LLGL1: variants seen among roughly 807,000 people sequenced by gnomAD.
The protein encoded by LLGL1 is lethal(2) giant larvae protein homolog 1.
LLGL1 carries 58 observed loss-of-function variants against 110.6 expected under a neutral mutation model. The observed-to-expected ratio is 0.52, with a 90% CI of 0.42 to 0.65. The LOEUF (loss-of-function observed/expected upper bound fraction) is 0.65, where lower values mean the gene tolerates loss of function less well. LLGL1 is among the 30% of genes least tolerant of loss of function. The probability of loss-of-function intolerance (pLI) is 0.00; values close to 1 mark genes in which losing one functional copy is unlikely to be tolerated. For missense variants in LLGL1, 1,229 were observed against 1,462.1 expected (o/e 0.84, Z 2.60); for synonymous variants, 674 against 607.2 (o/e 1.11, Z -1.62).
intron 1 of LLGL1, among the ~76,000 whole-genome samples, 158 bp downstream of exon 1, chr17:18,225,921 G>T (rs1330547064): frequency 6.7e-6 from 1 of 150,338 alleles, no homozygotes; most frequent in Non-Finnish European, 1.5e-5. Context: ...CCCCCTCGGC[G>T]GGCCCCGCTC....
intron 2 of LLGL1, among the ~76,000 whole-genome samples, chr17:18,230,447 CAT>C (rs1307933901): frequency 6.6e-5 from 10 of 152,176 alleles, no homozygotes; most frequent in Admixed American, 1.3e-4. Flanking sequence ...TGTGAAGACA[CAT>C]GTGTTCAGCA....
Position 18,237,556 on chromosome 17 carries a change from C to A in LLGL1, c.1687C>A (p.Arg563Ser). Reference sequence around the variant, plus strand: ...GGCCATCATAGACCTCCTCCAGGACCGCGAGGGCTTCACATGGAAGGGCCA... The same window carrying A: ...GGCCATCATAGACCTCCTCCAGGACAGCGAGGGCTTCACATGGAAGGGCCA... ...SVAIIDLLQD[R>S]EGFTWKGHER... is the part of the protein sequence containing the mutation. The change falls in exon 14 of 23, where the codon CGC (arginine) becomes AGC (serine). Residue 563 changes from arginine (R) to serine (S), a missense_variant. Transcript: ENST00000316843. 6.2e-7 allele frequency: 1 copy of A among 1,609,582 alleles called. No individual in the cohort carries two copies. Among genetic ancestry groups the A allele is most frequent in the Non-Finnish European group, 8.5e-7 (1 of 1,178,800 alleles).
rs2047834593 is a variant in LLGL1 at position 18,241,659 on chromosome 17, T to C, written c.2711T>C (p.Ile904Thr). The change falls in exon 18 of 23, where the codon ATC becomes ACC. Residue 904 changes from isoleucine to threonine, a missense_variant. Ile to Thr is a moderately conservative substitution (Grantham distance 89). Transcript: ENST00000316843. ...CGGCCCCAGGTGCACTATTCCTGCA[T>C]CCGGAAGGAGGACATCAGCGGCATC... ...GLRPQVHYSCIRKEDISGIAS... is the reference protein window; with the variant it reads ...GLRPQVHYSCTRKEDISGIAS... The C allele has an allele frequency of 1.2e-6, 2 of 1,613,720 alleles. No homozygotes were observed. Among genetic ancestry groups the C allele is most frequent in the Non-Finnish European group, 1.7e-6 (2 of 1,180,012 alleles).
chr17:18,239,762 T>A (rs1002924035), intron 16 of LLGL1, among the ~76,000 whole-genome samples: 1 of 151,420 alleles, frequency 6.6e-6, no homozygotes, highest in Non-Finnish European at 1.5e-5. Flanking sequence ...TGACTTTTTG[T>A]TTTTTTTGAC....
At position 18,232,809 on chromosome 17, in the gene LLGL1, G is replaced by C. The variant is rs761499292; in HGVS notation, c.392+7G>C. 8 of 1,613,630 alleles carry C rather than the reference G, an allele frequency of 5.0e-6. No homozygotes were observed. The Admixed American group carries it at 1.3e-4, about 27-fold the overall frequency. On this transcript the variant is annotated splice_region_variant and intron_variant, in intron 4 of 22. Transcript: ENST00000316843. Reference sequence around the variant, plus strand: ...CCGGCTTTGATGGTGCCAGGTACTGGAGAACTTGGCTGGGGCCAGCCACCG... The same window carrying C: ...CCGGCTTTGATGGTGCCAGGTACTGCAGAACTTGGCTGGGGCCAGCCACCG...
At chr17:18,241,288 A>G in intron 17 of LLGL1, 163 bp from the exon 18 acceptor site, 1 of 796,106 alleles carries the variant, frequency 1.3e-6, no homozygotes, top group South Asian at 1.8e-5. Flanking sequence ...TACAGTGTGA[A>G]GTCTGGAGTT....
rs752814889 is a variant in LLGL1, at chr17:18,238,119, G to C, written c.1957G>C (p.Val653Leu). The C allele has an allele frequency of 1.2e-6, 2 of 1,613,838 alleles. No individual in the cohort carries two copies. Among genetic ancestry groups the C allele is most frequent in the Admixed American group, 3.3e-5 (2 of 60,024 alleles). ...GGCCATGGAGGGTCCGCTCTCCCGGGTGAAGTCTCTCAAGAAGTCACTGCG... is the reference window on the plus strand; with the variant it reads ...GGCCATGGAGGGTCCGCTCTCCCGGCTGAAGTCTCTCAAGAAGTCACTGCG... ...SLAMEGPLSR[V>L]KSLKKSLRQS... Residue 653 changes from valine (V) to leucine (L), a missense_variant, in exon 15 of 23, where the codon GTG becomes CTG. Transcript: ENST00000316843.
intron 2 of LLGL1, among the ~76,000 whole-genome samples, chr17:18,230,560 C>T (rs551013644): frequency 4.2e-5 from 5 of 119,548 alleles, no homozygotes; most frequent in African/African-American, 1.3e-4. Context: ...CCACACAAAG[C>T]GGGCATTTTC....
Position 18,235,109 on chromosome 17 carries a change from C to G in LLGL1, c.1081C>G (p.Leu361Val). The change falls in exon 10 of 23, where the codon CTG becomes GTG. Residue 361 changes from leucine (L) to valine (V), a missense_variant. Coordinates refer to ENST00000316843, the MANE Select transcript of LLGL1 (RefSeq NM_004140.4). ...CACAGAATTTGATGACCCCCAGGCC[C>G]TGGCTGTGCTGCTGGAAGAGGAGCT... is the stretch of plus-strand genomic sequence containing the variant. ...PEDEFDDPQALAVLLEEELVV... is the reference protein window; with the variant it reads ...PEDEFDDPQAVAVLLEEELVV... 1.9e-6 allele frequency: 3 copies of G among 1,613,950 alleles called. No homozygotes were observed. The highest frequency in any genetic ancestry group is 2.5e-6 in the Non-Finnish European group (3 of 1,180,036).
chr17:18,234,144 A>G lies in LLGL1; in HGVS notation c.683A>G (p.Gln228Arg), dbSNP rs145917490. ...GLLVIWNQAS[Q>R]CVDHIFLGNQ... is the part of the protein sequence containing the mutation. ...CTGGTCATCTGGAACCAGGCCTCGC[A>G]GTGTGTGGACCACATCTTCCTGGGG... The change falls in exon 6 of 23, where the codon CAG (glutamine) becomes CGG (arginine). Residue 228 changes from glutamine to arginine, a missense_variant. Gln to Arg is a conservative substitution (Grantham distance 43, BLOSUM62 1). Coordinates refer to ENST00000316843, the MANE Select transcript of LLGL1 (RefSeq NM_004140.4). 6.2e-6 allele frequency: 10 copies of G among 1,610,044 alleles called. No individual in the cohort carries two copies. In the African/African-American group the frequency reaches 1.3e-4, roughly 21 times the overall value.
chr17:18,243,036 C>T lies in LLGL1; in HGVS notation c.*1+214C>T, dbSNP rs781001578. The stretch of plus-strand genomic sequence containing the variant: ...GTGTCATGGTTGGGTATTAGAAAAG[C>T]AGGGCCAGCCCCTCAGCCCTTGCAT... On this transcript the variant is annotated intron_variant, in intron 22 of 22. Transcript: ENST00000316843. 8.7e-4 allele frequency among the ~76,000 whole-genome samples: 133 copies of T among 152,360 alleles called. 1 individual carries two copies. The highest frequency in any genetic ancestry group is 1.5e-3 in the Non-Finnish European group (100 of 68,030).
intron 15 of LLGL1, 72 bp from the exon 16 acceptor site, chr17:18,238,384 C>T (rs541219985): frequency 1.1e-5 from 17 of 1,569,640 alleles, no homozygotes; most frequent in Admixed American, 1.7e-5. Flanking sequence ...GGTAACAGAA[C>T]GTAGGGCGCA....
intron 11 of LLGL1, chr17:18,236,119 G>C: frequency 5.5e-6 from 1 of 181,224 alleles, no homozygotes; most frequent in Non-Finnish European, 1.2e-5. Context: ...CTGCGCCCTA[G>C]ATTTGTCTAC....
At chr17:18,227,736 C>A (rs932332234) in intron 1 of LLGL1, among the ~76,000 whole-genome samples, 1 of 152,166 alleles carries the variant, frequency 6.6e-6, no homozygotes. Flanking sequence ...GCAGTGGGGG[C>A]TGGAGACAGA....
rs1325298231 is a variant in LLGL1 at position 18,232,557 on chromosome 17, T to C, written c.242T>C (p.Met81Thr). The part of the protein sequence containing the change: ...LHRDAATVTQ[M>T]HFLTGQGRLL... ...CGGGATGCAGCCACTGTCACACAGA[T>C]GCACTTCTTGACCGGCCAGGTGAGC... Residue 81 changes from methionine to threonine, a missense_variant, in exon 3 of 23, where the codon ATG (methionine) becomes ACG (threonine). Met to Thr is a moderately conservative substitution (Grantham distance 81, BLOSUM62 -1). Coordinates refer to ENST00000316843, the MANE Select transcript of LLGL1 (RefSeq NM_004140.4). The C allele has an allele frequency of 6.2e-7, 1 of 1,614,152 alleles. No homozygotes were observed. The highest frequency in any genetic ancestry group is 8.5e-7 in the Non-Finnish European group (1 of 1,179,998).
chr17:18,230,716 A>C (rs141447924), intron 2 of LLGL1, among the ~76,000 whole-genome samples: 152 of 152,124 alleles, frequency 1.0e-3, no homozygotes, highest in African/African-American at 3.5e-3. Context: ...GCTGACCCCT[A>C]CCCCTCCTGT....
intron 1 of LLGL1, among the ~76,000 whole-genome samples, chr17:18,227,657 C>T (rs2047477588): frequency 1.3e-5 from 2 of 152,226 alleles, no homozygotes; most frequent in South Asian, 2.1e-4. Flanking sequence ...TCCCAAAGTG[C>T]TAGGATTACA....
rs549837277 is a variant in LLGL1 at position 18,240,030 on chromosome 17, G to A, written c.2207-548G>A. 5.8e-4 allele frequency among the ~76,000 whole-genome samples: 89 copies of A among 152,288 alleles called. No individual in the cohort carries two copies. Among genetic ancestry groups the A allele is most frequent in the African/African-American group, 2.0e-3 (84 of 41,560 alleles). On this transcript the variant is annotated intron_variant, in intron 16 of 22. Coordinates refer to ENST00000316843, the MANE Select transcript of LLGL1 (RefSeq NM_004140.4). The surrounding 1 kb of genome is among the most constrained non-coding windows in gnomAD (Gnocchi z 5.3). ...CAGTTCACACAGGCAGAGCAGGGTC[G>A]ATGGATGGTCGTCCTAGGTGTCCCC...
At position 18,240,244 on chromosome 17, in the gene LLGL1, G is replaced by A. The variant is rs2047797087; in HGVS notation, c.2207-334G>A. On this transcript the variant is annotated intron_variant, in intron 16 of 22. Coordinates refer to ENST00000316843, the MANE Select transcript of LLGL1 (RefSeq NM_004140.4). This position sits in a 1 kb window ranked among gnomAD's most constrained non-coding sequence, Gnocchi z 5.3. ...GGATGGAGCTGCGTTTACTGAGATG[G>A]GGGCTGAGGGTGCAGTGGGATGGGG... is the stretch of plus-strand genomic sequence containing the variant. Among the ~76,000 whole-genome samples the A allele has an allele frequency of 6.6e-6, 1 of 152,128 alleles. No individual in the cohort carries two copies. Among genetic ancestry groups the A allele is most frequent in the Admixed American group, 6.5e-5 (1 of 15,278 alleles).
Sources: gnomAD v4.1 joint callset for allele counts (sites outside exome capture counted in the v4.1 genomes callset) on GRCh38, gnomAD v4.1.1 for gene constraint, Gnocchi (gnomAD v3.1) non-coding constraint, MANE v1.5 for transcripts, NCBI Gene and HGNC (gene_info 2026-07-23, HGNC 2026-07-21) for gene names.